STPG2: variants seen among roughly 807,000 people sequenced by gnomAD.
STPG2 encodes sperm-tail PG-rich repeat-containing protein 2.
Under a neutral mutation model 54.2 loss-of-function variants are expected in STPG2, and 56 were observed. The observed-to-expected ratio is 1.03, with a 90% CI of 0.83 to 1.29. The LOEUF (loss-of-function observed/expected upper bound fraction) is 1.29, where lower values mean the gene tolerates loss of function less well. STPG2 is among the 50% of genes most tolerant of loss of function. The pLI is 0.00. For missense variants in STPG2, 596 were observed against 544.9 expected (o/e 1.09, Z -0.93); for synonymous variants, 200 against 181.8 (o/e 1.10, Z -0.81).
chr4:97,692,984 GACAA>G (rs930652144), intron 10 of STPG2, among the ~76,000 whole-genome samples: 2 of 152,084 alleles, frequency 1.3e-5, no homozygotes, highest in Admixed American at 6.6e-5. Flanking sequence ...ATCTTTTTCA[GACAA>G]ACAGATGCTG....
intron 5 of STPG2, among the ~76,000 whole-genome samples, chr4:98,073,104 T>C (rs547492926): frequency 6.6e-6 from 1 of 152,200 alleles, no homozygotes; most frequent in Non-Finnish European, 1.5e-5. Context: ...AAGGAGTTTT[T>C]TTATACTTAT....
intron 5 of STPG2, among the ~76,000 whole-genome samples, chr4:98,082,552 C>T (rs1339946069): frequency 1.4e-5 from 2 of 146,138 alleles, no homozygotes; most frequent in Non-Finnish European, 3.0e-5. Flanking sequence ...CCCGGGTTCA[C>T]GCCATTCTCC....
chr4:98,065,881 C>T (rs1737818619), intron 5 of STPG2, among the ~76,000 whole-genome samples: 1 of 152,050 alleles, frequency 6.6e-6, no homozygotes, highest in South Asian at 2.1e-4. Context: ...CCTGATACAC[C>T]TACCAAGTAT....
intron 4 of STPG2, among the ~76,000 whole-genome samples, chr4:97,553,108 C>T (rs1732002116): frequency 6.6e-6 from 1 of 152,166 alleles, no homozygotes; most frequent in South Asian, 2.1e-4. Context: ...CTAATTTTCT[C>T]TACTATGGTA....
At chr4:98,042,503 G>A (rs1188126832) in intron 5 of STPG2, among the ~76,000 whole-genome samples, 3 of 151,538 alleles carry the variant, frequency 2.0e-5, no homozygotes, top group Admixed American at 6.6e-5. Flanking sequence ...TGTCCCAGAT[G>A]TTCTGGTATG....
At chr4:98,046,947 G>GT (rs1737148446) in intron 5 of STPG2, among the ~76,000 whole-genome samples, 1 of 152,174 alleles carries the variant, frequency 6.6e-6, no homozygotes, top group African/African-American at 2.4e-5. Flanking sequence ...CAAATAGCCT[G>GT]TTTCATCAGC....
intron 4 of STPG2, among the ~76,000 whole-genome samples, chr4:97,513,988 A>T (rs1380627528): frequency 2.0e-5 from 3 of 152,102 alleles, no homozygotes; most frequent in Non-Finnish European, 4.4e-5. Context: ...AGTCAGAAAC[A>T]ATGCTTCAAA....
intron 4 of STPG2, among the ~76,000 whole-genome samples, chr4:97,464,501 C>T (rs1218365842): frequency 6.6e-6 from 1 of 152,104 alleles, no homozygotes; most frequent in African/African-American, 2.4e-5. Context: ...ACTAAAACCT[C>T]TTCCTCCTGG....
chr4:97,479,052 G>T (rs1224242940), intron 4 of STPG2, among the ~76,000 whole-genome samples: 3 of 151,154 alleles, frequency 2.0e-5, no homozygotes, highest in Non-Finnish European at 4.4e-5. Flanking sequence ...ATATTAGATT[G>T]ATTAAATATT....
At chr4:97,849,284 T>A (rs1578619058) in intron 8 of STPG2, among the ~76,000 whole-genome samples, 1 of 151,972 alleles carries the variant, frequency 6.6e-6, no homozygotes, top group Non-Finnish European at 1.5e-5. Context: ...AGTTCACTCA[T>A]GATTAAACGT....
chr4:97,693,015 C>A (rs879260910), intron 10 of STPG2, among the ~76,000 whole-genome samples: 1 of 152,014 alleles, frequency 6.6e-6, no homozygotes, highest in Non-Finnish European at 1.5e-5. Flanking sequence ...TTTGCCACTA[C>A]TAAGCCAGCA....
At position 97,712,681 on chromosome 4, in the gene STPG2, A is replaced by G. The variant is rs372430032; in HGVS notation, c.1320+18T>C. On this transcript the variant is annotated intron_variant, in intron 10 of 10. Transcript: ENST00000295268. The stretch of plus-strand genomic sequence containing the variant: ...ATTCTATTCTTGTGTCACTGTTAAG[A>G]AGGAAATATTGACAAACCTCATATG... 1 of 1,515,472 alleles carries G rather than the reference A, an allele frequency of 6.6e-7. No homozygotes were observed. The highest frequency in any genetic ancestry group is 1.3e-5 in the South Asian group (1 of 77,908). The allele number at this position is 1,515,472 out of a possible 1,614,324, so 93.9% of individuals were successfully genotyped here. A position where few individuals can be genotyped will look rare whatever the true frequency, so the allele number is the denominator to read the frequency against.
At chr4:97,936,553 G>C (rs998411303) in intron 8 of STPG2, among the ~76,000 whole-genome samples, 4 of 152,152 alleles carry the variant, frequency 2.6e-5, no homozygotes, top group Non-Finnish European at 5.9e-5. Context: ...TCCTTCAGGA[G>C]ATCTTGCAAG....
intron 10 of STPG2, among the ~76,000 whole-genome samples, chr4:97,598,385 T>C (rs1449734632): frequency 2.0e-5 from 3 of 151,454 alleles, no homozygotes; most frequent in Non-Finnish European, 4.4e-5. Context: ...AAAAAAACAT[T>C]TTAAAATTCA....
At chr4:97,801,957 T>C (rs1173981532) in intron 9 of STPG2, among the ~76,000 whole-genome samples, 1 of 152,160 alleles carries the variant, frequency 6.6e-6, no homozygotes, top group African/African-American at 2.4e-5. Flanking sequence ...GTTCAGTGTT[T>C]CTCAAACTAG....
intron 1 of STPG2, among the ~76,000 whole-genome samples, chr4:98,142,454 T>C (rs1740323742): frequency 6.6e-6 from 1 of 152,172 alleles, no homozygotes; most frequent in African/African-American, 2.4e-5. Context: ...ATTATTTAAA[T>C]TATCCATCCC....
intron 10 of STPG2, among the ~76,000 whole-genome samples, chr4:97,671,709 A>G (rs556189318): frequency 6.6e-6 from 1 of 152,280 alleles, no homozygotes; most frequent in East Asian, 1.9e-4. Context: ...TTGCTTTGTT[A>G]CTTTGTCACC....
intron 10 of STPG2, among the ~76,000 whole-genome samples, chr4:97,651,806 C>G (rs1000857422): frequency 1.2e-4 from 18 of 151,838 alleles, no homozygotes; most frequent in Non-Finnish European, 2.4e-4. Flanking sequence ...AGTAAATGAA[C>G]AAGAAATGAA....
At chr4:97,542,850 C>G (rs72887299) in intron 4 of STPG2, among the ~76,000 whole-genome samples, 16,181 of 152,026 alleles carry the variant, frequency 0.11, 2,566 homozygotes, top group African/African-American at 0.35. Flanking sequence ...AACCATCATT[C>G]TCAGCAAACT....
Sources: allele counts gnomAD v4.1 joint callset (sites outside exome capture counted in the v4.1 genomes callset), GRCh38; gene constraint gnomAD v4.1.1; transcripts MANE v1.5; gene names NCBI Gene and HGNC (gene_info 2026-07-23, HGNC 2026-07-21).